VRK1: variants seen among roughly 807,000 people sequenced by gnomAD.
VRK1 encodes serine/threonine-protein kinase VRK1.
A neutral mutation model predicts 57.1 loss-of-function variants in VRK1; 33 were observed. That is an observed-to-expected ratio of 0.58 (90% confidence interval 0.44 to 0.77). VRK1 has a LOEUF of 0.77. Among genes scored for constraint, VRK1 ranks in the 30% least tolerant of loss-of-function variants. The probability of loss-of-function intolerance (pLI) is 0.00; values close to 1 mark genes in which losing one functional copy is unlikely to be tolerated. For missense variants in VRK1, 413 were observed against 477.3 expected, an observed-to-expected ratio of 0.87 and a Z score of 1.25; for synonymous variants, 137 against 147.8, an observed-to-expected ratio of 0.93 and a Z score of 0.53.
chr14:96,874,121 G>C (rs774569541), intron 11 of VRK1, among the ~76,000 whole-genome samples: 3 of 152,152 alleles, frequency 2.0e-5, no homozygotes, highest in Non-Finnish European at 4.4e-5. Context: ...TTAAAAATCT[G>C]CTCTCCAAAA....
chr14:96,877,133 C>CT (rs781070744), intron 12 of VRK1, among the ~76,000 whole-genome samples: 1 of 149,850 alleles, frequency 6.7e-6, no homozygotes, highest in East Asian at 1.9e-4. Context: ...ACAGAAAAGG[C>CT]TTATTTTTGG....
intron 1 of VRK1, among the ~76,000 whole-genome samples, chr14:96,811,939 T>C (rs1886222756): frequency 6.6e-6 from 1 of 152,182 alleles, no homozygotes; most frequent in Non-Finnish European, 1.5e-5. Context: ...CCCCTACTCA[T>C]TAACAGTCAT....
Position 96,881,428 on chromosome 14 carries a change from A to G in VRK1, c.*220A>G. 2 of 482,464 alleles carry G rather than the reference A, an allele frequency of 4.1e-6. No individual in the cohort carries two copies. Among genetic ancestry groups the G allele is most frequent in the Non-Finnish European group, 7.3e-6 (2 of 275,362 alleles). The allele number at this position is 482,464 out of a possible 1,614,324, so 29.9% of individuals were successfully genotyped here. A position where few individuals can be genotyped will look rare whatever the true frequency, so the allele number is the denominator to read the frequency against. On this transcript the variant is annotated 3_prime_UTR_variant, in exon 13 of 13. Coordinates refer to ENST00000216639, the MANE Select transcript of VRK1 (RefSeq NM_003384.3). The stretch of plus-strand genomic sequence containing the variant: ...TGAAAATCTTCAGGTTATACTCCTT[A>G]AGTTATCCCAAAGCCGTGTGTTTGT...
chr14:96,880,241 A>G (rs948355433), intron 12 of VRK1, among the ~76,000 whole-genome samples: 4 of 152,242 alleles, frequency 2.6e-5, no homozygotes, highest in Non-Finnish European at 5.9e-5. Flanking sequence ...AAACCTTTAG[A>G]TACACATGGT....
At position 96,842,452 on chromosome 14, in the gene VRK1, G is replaced by T. The variant is rs117733497; in HGVS notation, c.217-3643G>T. ...CAAAGAACATGTACTACTCTTTGGG[G>T]AAGTTTTATAATTATTTCTAAAAAA... is the stretch of plus-strand genomic sequence containing the variant. On this transcript the variant is annotated intron_variant, in intron 3 of 12. Coordinates refer to ENST00000216639, the MANE Select transcript of VRK1 (RefSeq NM_003384.3). Among the ~76,000 whole-genome samples the T allele has an allele frequency of 6.1e-3, 922 of 152,206 alleles. 5 individuals are homozygous for T. The highest frequency in any genetic ancestry group is 9.9e-3 in the Non-Finnish European group (674 of 67,992).
chr14:96,801,158 T>C (rs1885646303), intron 1 of VRK1, among the ~76,000 whole-genome samples: 1 of 152,222 alleles, frequency 6.6e-6, no homozygotes, highest in Non-Finnish European at 1.5e-5. Flanking sequence ...GCTCTAGACT[T>C]AGATACTTGC....
At chr14:96,862,084 C>A (rs1038560511) in intron 11 of VRK1, among the ~76,000 whole-genome samples, 3 of 152,078 alleles carry the variant, frequency 2.0e-5, no homozygotes, top group Non-Finnish European at 4.4e-5. Flanking sequence ...TCCGCCCAAC[C>A]CCCATCCCCC....
At chr14:96,844,222 C>G (rs1484079603) in intron 3 of VRK1, among the ~76,000 whole-genome samples, 1 of 152,158 alleles carries the variant, frequency 6.6e-6, no homozygotes, top group Non-Finnish European at 1.5e-5. Flanking sequence ...CAAATGCTTG[C>G]AAGTGTCAAG....
In VRK1 at chr14:96,853,133, A is replaced by T; in HGVS notation, c.543A>T (p.Ser181=). Reference sequence around the variant, plus strand: ...ATGTGCATGGAGATATCAAGGCCTCAAATCTTCTTCTGAACTACAAGAATC... The same window carrying T: ...ATGTGCATGGAGATATCAAGGCCTCTAATCTTCTTCTGAACTACAAGAATC... ...HEYVHGDIKA[S]NLLLNYKNPD... is the part of the protein sequence containing the mutation. The change falls in exon 7 of 13, where the codon TCA becomes TCT. Residue 181 remains serine, a synonymous_variant. Coordinates refer to ENST00000216639, the MANE Select transcript of VRK1 (RefSeq NM_003384.3). The T allele has an allele frequency of 1.2e-6, 2 of 1,613,820 alleles. No individual in the cohort carries two copies. Among genetic ancestry groups the T allele is most frequent in the Non-Finnish European group, 1.7e-6 (2 of 1,179,820 alleles).
At chr14:96,877,729 C>G (rs8016074) in intron 12 of VRK1, 58,894 of 948,780 alleles carry the variant, frequency 0.062, 1,967 homozygotes, top group South Asian at 0.13. Flanking sequence ...AGAGTCTCAG[C>G]TGCGCATCAG....
At chr14:96,876,141 T>C (rs1889023336) in intron 12 of VRK1, 21 bp downstream of exon 12, 1 of 1,612,242 alleles carries the variant, frequency 6.2e-7, no homozygotes, top group Admixed American at 1.7e-5. Context: ...CAGTTTTGCC[T>C]AGCTGCTTTC....
At position 96,876,133 on chromosome 14, in the gene VRK1, G is replaced by A. The variant is rs1889022702; in HGVS notation, c.1159+13G>A. On this transcript the variant is annotated intron_variant, in intron 12 of 12. Coordinates refer to ENST00000216639, the MANE Select transcript of VRK1 (RefSeq NM_003384.3). ...GCCATACAGACCCGTAAGTTGAACA[G>A]TTTTGCCTAGCTGCTTTCATAGGTA... The A allele has an allele frequency of 6.2e-7, 1 of 1,613,084 alleles. No individual in the cohort carries two copies. The highest frequency in any genetic ancestry group is 2.2e-5 in the East Asian group (1 of 44,846).
intron 1 of VRK1, among the ~76,000 whole-genome samples, chr14:96,824,811 G>T (rs921188947): frequency 2.0e-5 from 3 of 151,520 alleles, no homozygotes; most frequent in Non-Finnish European, 4.4e-5. Context: ...CCACCACCAC[G>T]CCTGGCTTAT....
At chr14:96,860,834 CAG>C in intron 11 of VRK1, 99 bp downstream of exon 11, 1 of 1,319,638 alleles carries the variant, frequency 7.6e-7, no homozygotes, top group Non-Finnish European at 1.1e-6. Flanking sequence ...AGAACAATAA[CAG>C]ATTGCATGGC....
At chr14:96,815,753 G>A (rs537871007) in intron 1 of VRK1, among the ~76,000 whole-genome samples, 2 of 151,520 alleles carry the variant, frequency 1.3e-5, no homozygotes, top group Non-Finnish European at 2.9e-5. Context: ...AAACAAATTC[G>A]TGGGCATGGT....
chr14:96,811,951 C>A (rs995595479), intron 1 of VRK1, among the ~76,000 whole-genome samples: 1 of 152,116 alleles, frequency 6.6e-6, no homozygotes, highest in Non-Finnish European at 1.5e-5. Flanking sequence ...AACAGTCATT[C>A]TCCATTCCCT....
chr14:96,859,831 T>A (rs1383312384), intron 10 of VRK1, among the ~76,000 whole-genome samples: 1 of 152,058 alleles, frequency 6.6e-6, no homozygotes, highest in African/African-American at 2.4e-5. Flanking sequence ...AGTTTAGACG[T>A]GGGTTTGTTG....
intron 11 of VRK1, among the ~76,000 whole-genome samples, chr14:96,862,995 T>C (rs1225137238): frequency 6.6e-6 from 1 of 152,180 alleles, no homozygotes; most frequent in Non-Finnish European, 1.5e-5. Flanking sequence ...CCTACAGGAA[T>C]TGATGAACAG....
chr14:96,814,621 C>T (rs1390683630), intron 1 of VRK1, among the ~76,000 whole-genome samples: 1 of 152,118 alleles, frequency 6.6e-6, no homozygotes, highest in South Asian at 2.1e-4. Context: ...TATATAGCCT[C>T]CTAGTAATGT....
Sources: allele counts gnomAD v4.1 joint callset (sites outside exome capture counted in the v4.1 genomes callset), GRCh38; gene constraint gnomAD v4.1.1; transcripts MANE v1.5; gene names NCBI Gene and HGNC (gene_info 2026-07-23, HGNC 2026-07-21).